SLC35F1: variants seen among roughly 807,000 people sequenced by gnomAD.
The protein encoded by SLC35F1 is chromosome 6 open reading frame 169.
A neutral mutation model predicts 48.7 loss-of-function variants in SLC35F1; 14 were observed. That is an observed-to-expected ratio of 0.29 (90% CI 0.19 to 0.45). The LOEUF (loss-of-function observed/expected upper bound fraction) is 0.45. Ranked by LOEUF, SLC35F1 falls within the 20% of genes least tolerant of loss-of-function variation. The probability of loss-of-function intolerance (pLI) is 1.00; values close to 1 mark genes in which losing one functional copy is unlikely to be tolerated. For missense variants in SLC35F1, 404 were observed against 500.0 expected, an observed-to-expected ratio of 0.81 and a Z score of 1.83; for synonymous variants, 190 against 202.2, an observed-to-expected ratio of 0.94 and a Z score of 0.51.
rs73514273 is a variant in SLC35F1, at chr6:118,270,583, T to C, written c.637+3429T>C. On this transcript the variant is annotated intron_variant, in intron 4 of 7. Coordinates refer to ENST00000360388, the MANE Select transcript of SLC35F1 (RefSeq NM_001029858.4). ...CCACTATAGGATGCTTCCACGCCTT[T>C]GAGCTCACTTGAAGGAAATGTCTTT... Among the ~76,000 whole-genome samples the C allele has an allele frequency of 9.1e-3, 1,386 of 152,308 alleles. 24 individuals carry two copies. The highest frequency in any genetic ancestry group is 0.032 in the African/African-American group (1,322 of 41,568).
chr6:117,957,104 T>C (rs1457402954), intron 1 of SLC35F1, among the ~76,000 whole-genome samples: 3 of 152,216 alleles, frequency 2.0e-5, no homozygotes, highest in Non-Finnish European at 4.4e-5. Context: ...GATTTGTGAC[T>C]CTGCCTGTGC....
intron 1 of SLC35F1, among the ~76,000 whole-genome samples, chr6:117,972,633 C>T (rs1285314536): frequency 2.0e-5 from 3 of 152,114 alleles, no homozygotes; most frequent in Admixed American, 6.6e-5. Flanking sequence ...CAGGCAAGAG[C>T]GTGTACAGGG....
intron 1 of SLC35F1, among the ~76,000 whole-genome samples, chr6:118,083,061 TTGAA>T (rs1336598512): frequency 2.0e-5 from 3 of 152,244 alleles, no homozygotes; most frequent in Non-Finnish European, 4.4e-5. Flanking sequence ...AAAAAACAAA[TTGAA>T]TGATTTTGCT....
At chr6:118,172,318 C>T (rs1306742019) in intron 2 of SLC35F1, among the ~76,000 whole-genome samples, 1 of 152,242 alleles carries the variant, frequency 6.6e-6, no homozygotes, top group African/African-American at 2.4e-5. Flanking sequence ...AGCCAGTTAT[C>T]AGTGCAAGGT....
chr6:118,022,110 C>T (rs79829436), intron 1 of SLC35F1, among the ~76,000 whole-genome samples: 420 of 152,292 alleles, frequency 2.8e-3, no homozygotes, highest in Non-Finnish European at 5.1e-3. Flanking sequence ...AATGGGCATA[C>T]ATACAGGAGT....
chr6:117,999,348 C>T (rs1051548298), intron 1 of SLC35F1: 7 of 1,593,304 alleles, frequency 4.4e-6, no homozygotes, highest in East Asian at 2.2e-5. Flanking sequence ...AAGGCCAAGG[C>T]CAAGGCCAAG....
intron 2 of SLC35F1, among the ~76,000 whole-genome samples, chr6:118,233,272 T>C (rs994112979): frequency 2.0e-5 from 3 of 152,230 alleles, no homozygotes; most frequent in East Asian, 1.9e-4. Context: ...GCCAGGACTT[T>C]TTAAAAGCTC....
chr6:118,009,996 A>C (rs1777223979), intron 1 of SLC35F1, among the ~76,000 whole-genome samples: 1 of 152,188 alleles, frequency 6.6e-6, no homozygotes, highest in Non-Finnish European at 1.5e-5. Context: ...CGTATTTTAC[A>C]GTTAACCTCT....
At chr6:118,260,544 A>G (rs1775699310) in intron 3 of SLC35F1, among the ~76,000 whole-genome samples, 1 of 152,106 alleles carries the variant, frequency 6.6e-6, no homozygotes, top group South Asian at 2.1e-4. Flanking sequence ...CTACCTTATC[A>G]CAAAGCCTGG....
intron 2 of SLC35F1, among the ~76,000 whole-genome samples, chr6:118,221,011 T>C (rs1234792326): frequency 6.6e-6 from 1 of 152,204 alleles, no homozygotes; most frequent in Non-Finnish European, 1.5e-5. Context: ...TAGCTTATTA[T>C]TTGGCATCTT....
At chr6:118,162,466 T>C (rs959313049) in intron 2 of SLC35F1, among the ~76,000 whole-genome samples, 1 of 152,184 alleles carries the variant, frequency 6.6e-6, no homozygotes, top group Admixed American at 6.5e-5. Context: ...TACCTGACTA[T>C]ATACATTTGT....
chr6:117,928,581 T>A (rs1397024595), intron 1 of SLC35F1, among the ~76,000 whole-genome samples: 1 of 152,186 alleles, frequency 6.6e-6, no homozygotes, highest in Non-Finnish European at 1.5e-5. Context: ...TTATTTTCCA[T>A]GATAAATTTC....
intron 1 of SLC35F1, among the ~76,000 whole-genome samples, chr6:118,043,127 T>C (rs1772250906): frequency 6.6e-6 from 1 of 152,196 alleles, no homozygotes. Flanking sequence ...AACAGAATCA[T>C]GCATTTCACT....
At chr6:118,097,220 C>T (rs574934078) in intron 1 of SLC35F1, among the ~76,000 whole-genome samples, 2 of 152,288 alleles carry the variant, frequency 1.3e-5, no homozygotes, top group African/African-American at 4.8e-5. Context: ...CCTCACTTTC[C>T]ACCTGCCTTT....
chr6:118,303,702 C>G (rs555340463), intron 7 of SLC35F1, among the ~76,000 whole-genome samples: 1 of 152,252 alleles, frequency 6.6e-6, no homozygotes, highest in East Asian at 1.9e-4. Context: ...ATGATCATAC[C>G]TAATTTAGAG....
At chr6:118,043,981 CAG>C (rs959989713) in intron 1 of SLC35F1, among the ~76,000 whole-genome samples, 4 of 152,194 alleles carry the variant, frequency 2.6e-5, no homozygotes, top group African/African-American at 9.7e-5. Flanking sequence ...TGATTACTGA[CAG>C]AGGAAGGCAA....
chr6:118,259,356 C>T (rs1775684547), intron 3 of SLC35F1, among the ~76,000 whole-genome samples: 1 of 151,870 alleles, frequency 6.6e-6, no homozygotes, highest in Non-Finnish European at 1.5e-5. Flanking sequence ...AGTGTATACT[C>T]TTTAGACCTA....
chr6:118,065,144 G>A (rs546768375), intron 1 of SLC35F1, among the ~76,000 whole-genome samples: 1 of 152,292 alleles, frequency 6.6e-6, no homozygotes, highest in African/African-American at 2.4e-5. Context: ...TTCTAGATTA[G>A]TGTTGCATCC....
chr6:118,256,396 C>T (rs1775646928), intron 3 of SLC35F1, among the ~76,000 whole-genome samples: 1 of 152,118 alleles, frequency 6.6e-6, no homozygotes, highest in Non-Finnish European at 1.5e-5. Flanking sequence ...GAAATGTTCT[C>T]TTTCCTAGAA....
Sources: allele counts gnomAD v4.1 joint callset (sites outside exome capture counted in the v4.1 genomes callset), GRCh38; gene constraint gnomAD v4.1.1; transcripts MANE v1.5; gene names NCBI Gene and HGNC (gene_info 2026-07-23, HGNC 2026-07-21).